The following NUGGC variants were observed in gnomAD, a reference collection of about 807,000 sequenced individuals.
NUGGC encodes nuclear GTPase SLIP-GC.
NUGGC carries 58 observed loss-of-function variants against 92.6 expected under a neutral mutation model. The observed-to-expected ratio is 0.63, with a 90% CI of 0.51 to 0.78. The LOEUF is 0.78. Among genes scored for constraint, NUGGC ranks in the 30% least tolerant of loss-of-function variants. The pLI is 0.00. For synonymous variants in NUGGC, 376 were observed against 366.4 expected (o/e 1.03, Z -0.30); for missense variants, 925 against 964.6 (o/e 0.96, Z 0.54).
chr8:28,059,517 C>T (rs929393569), intron 8 of NUGGC, among the ~76,000 whole-genome samples: 19 of 152,056 alleles, frequency 1.2e-4, no homozygotes, highest in Non-Finnish European at 2.5e-4. Context: ...AGGACCTGTT[C>T]CAAGTGAGTT....
At chr8:28,038,660 T>G (rs1027965146) in intron 13 of NUGGC, among the ~76,000 whole-genome samples, 1 of 152,236 alleles carries the variant, frequency 6.6e-6, no homozygotes, top group Admixed American at 6.5e-5. Flanking sequence ...AATGAATGAA[T>G]GCAGCAAAAT....
chr8:28,060,020 C>CAA (rs202110525), intron 8 of NUGGC, among the ~76,000 whole-genome samples: 24 of 142,568 alleles, frequency 1.7e-4, no homozygotes, highest in South Asian at 1.1e-3. Context: ...GACTCTGTGC[C>CAA]AAAAAAAAAA....
rs769978070 is a variant in NUGGC, at chr8:28,030,348, G to C, written c.1979C>G (p.Thr660Ser). 6.3e-7 allele frequency: 1 copy of C among 1,580,132 alleles called. No homozygotes were observed. Among genetic ancestry groups the C allele is most frequent in the East Asian group, 2.3e-5 (1 of 43,380 alleles). Residue 660 changes from threonine (T) to serine (S), a missense_variant, in exon 16 of 19, where the codon ACT becomes AGT. Physicochemically the swap from Thr to Ser is moderately conservative, Grantham distance 58 (BLOSUM62 1). Transcript: ENST00000413272. ...CTTCAGGTCACTCTGGACAGAGGCA[G>C]TGAGGGACTCGTAGATCCTCCTCTT... ...RRKRRIYESL[T>S]ASVQSDLKLC...
At chr8:28,028,930 T>G (rs1809339541) in intron 17 of NUGGC, among the ~76,000 whole-genome samples, 1 of 152,210 alleles carries the variant, frequency 6.6e-6, no homozygotes, top group East Asian at 1.9e-4. Flanking sequence ...CCTGGCTGTG[T>G]GGCTGGTTGA....
intron 7 of NUGGC, among the ~76,000 whole-genome samples, chr8:28,061,412 A>G (rs1810302399): frequency 6.6e-6 from 1 of 152,230 alleles, no homozygotes; most frequent in African/African-American, 2.4e-5. Context: ...TTACCTCCAC[A>G]TAAATGAAAA....
intron 5 of NUGGC, 119 bp from the exon 6 acceptor site, chr8:28,067,863 T>G: frequency 1.3e-6 from 1 of 760,528 alleles, no homozygotes; most frequent in South Asian, 1.8e-5. Flanking sequence ...AAAATCTAGG[T>G]CATCTATCTG....
rs1157156769 is a variant in NUGGC at position 28,033,639 on chromosome 8, C to A, written c.1670G>T (p.Gly557Val). 1.2e-6 allele frequency: 2 copies of A among 1,613,778 alleles called. No homozygotes were observed. The highest frequency in any genetic ancestry group is 2.7e-5 in the African/African-American group (2 of 74,912). Residue 557 changes from glycine to valine, a missense_variant, in exon 14 of 19, where the codon GGC becomes GTC. Gly to Val is a moderately radical substitution (Grantham distance 109, BLOSUM62 -3). Coordinates refer to ENST00000413272, the MANE Select transcript of NUGGC (RefSeq NM_001010906.2). ...QTLKAVCLKN[G>V]IYASRTLARI... The stretch of plus-strand genomic sequence containing the variant: ...CGCCAGAGTCCTGGAGGCATAGATG[C>A]CATTTTTCAGGCAAACAGCTTTCAG...
intron 6 of NUGGC, 83 bp from the exon 7 acceptor site, chr8:28,064,814 T>C: frequency 8.5e-7 from 1 of 1,175,864 alleles, no homozygotes; most frequent in Non-Finnish European, 1.2e-6. Context: ...AGGTTCATGG[T>C]AAGTATGCTG....
chr8:28,037,944 A>G (rs1380818301), intron 13 of NUGGC, among the ~76,000 whole-genome samples: 2 of 152,204 alleles, frequency 1.3e-5, no homozygotes, highest in East Asian at 1.9e-4. Flanking sequence ...CCAGATATCA[A>G]TCATGCTGAG....
chr8:28,037,124 G>A (rs13277875), intron 13 of NUGGC, among the ~76,000 whole-genome samples: 8 of 152,158 alleles, frequency 5.3e-5, no homozygotes, highest in Admixed American at 1.3e-4. Context: ...CCCGCCACTC[G>A]CTCACCAACT....
chr8:28,033,833 G>T, intron 13 of NUGGC, 136 bp from the exon 14 acceptor site: 2 of 820,104 alleles, frequency 2.4e-6, no homozygotes, highest in African/African-American at 1.7e-5. Context: ...TTAAATATAT[G>T]ATTAAACTAA....
chr8:28,029,869 G>A (rs1239915135), intron 16 of NUGGC, among the ~76,000 whole-genome samples: 1 of 152,252 alleles, frequency 6.6e-6, no homozygotes, highest in Non-Finnish European at 1.5e-5. Flanking sequence ...TATATGTTTA[G>A]ATAATAACCA....
intron 7 of NUGGC, among the ~76,000 whole-genome samples, chr8:28,061,192 G>A (rs1010037623): frequency 2.0e-5 from 3 of 152,124 alleles, no homozygotes; most frequent in African/African-American, 4.8e-5. Flanking sequence ...GTCACCTGAC[G>A]GCAGCATTTT....
intron 1 of NUGGC, among the ~76,000 whole-genome samples, chr8:28,079,161 A>T (rs1810789356): frequency 6.6e-6 from 1 of 151,870 alleles, no homozygotes; most frequent in Non-Finnish European, 1.5e-5. Flanking sequence ...GTGTTTGCTT[A>T]TTGTTTTTTT....
chr8:28,046,623 G>A (rs1563220158), intron 11 of NUGGC, among the ~76,000 whole-genome samples: 1 of 151,824 alleles, frequency 6.6e-6, no homozygotes, highest in Admixed American at 6.6e-5. Context: ...TAGTCACTCA[G>A]GAAACAATTC....
chr8:28,073,562 TGG>T lies in NUGGC; in HGVS notation c.43+804_43+805del, dbSNP rs552150179. Among the ~76,000 whole-genome samples the T allele has an allele frequency of 2.8e-4, 42 of 152,282 alleles. No homozygotes were observed. The South Asian group carries it at 5.0e-3, about 18-fold the overall frequency. On this transcript the variant is annotated intron_variant, in intron 2 of 18. Transcript: ENST00000413272. ...ATGATACGCCACTGTTTTCTGCAAC[TGG>T]GGGTTATATCCCTGTCATCGTCCTA... is the stretch of plus-strand genomic sequence containing the variant.
chr8:28,029,183 A>G (rs9644134), intron 17 of NUGGC, 83 bp downstream of exon 17: 569,004 of 1,428,700 alleles, frequency 0.4, 119,968 homozygotes, highest in Middle Eastern at 0.46. Flanking sequence ...AATGCCTACT[A>G]TGCCTTCCAC....
chr8:28,058,528 C>A lies in NUGGC; in HGVS notation c.1098-252G>T, dbSNP rs1418834101. On this transcript the variant is annotated intron_variant, in intron 8 of 18. Transcript: ENST00000413272. The stretch of plus-strand genomic sequence containing the variant: ...CTGTGACCTCACTCCCTGTCCCAGT[C>A]AAAAATGCAGCCCTCTCACCCTGGG... Among the ~76,000 whole-genome samples the A allele has an allele frequency of 3.9e-5, 6 of 152,124 alleles. No individual in the cohort carries two copies. In the East Asian group the frequency reaches 1.2e-3, roughly 29 times the overall value.
chr8:28,030,549 C>T (rs1809391594), intron 15 of NUGGC, 131 bp from the exon 16 acceptor site: 7 of 654,076 alleles, frequency 1.1e-5, no homozygotes, highest in Middle Eastern at 5.2e-4. Context: ...TCTGTCATCT[C>T]CACAACTAGG....
Sources: gnomAD v4.1 joint callset for allele counts (sites outside exome capture counted in the v4.1 genomes callset) on GRCh38, gnomAD v4.1.1 for gene constraint, MANE v1.5 for transcripts, NCBI Gene and HGNC (gene_info 2026-07-23, HGNC 2026-07-21) for gene names.